PUM2: variants seen among roughly 807,000 people sequenced by gnomAD.
The protein encoded by PUM2 is pumilio homolog 2.
In PUM2, 57 loss-of-function variants were observed where a neutral mutation model predicts 124.5. The observed-to-expected ratio is 0.46, with a 90% CI of 0.37 to 0.57. The LOEUF is 0.57. Ranked by LOEUF, PUM2 falls within the 20% of genes least tolerant of loss-of-function variation. The pLI, the probability that PUM2 is intolerant of heterozygous loss-of-function variation, is 0.00. For missense variants in PUM2, 1,065 were observed against 1,290.6 expected (o/e 0.83, Z 2.68); for synonymous variants, 460 against 446.1 (o/e 1.03, Z -0.39).
At chr2:20,261,782 CA>C (rs1212095901) in intron 14 of PUM2, among the ~76,000 whole-genome samples, 1 of 152,096 alleles carries the variant, frequency 6.6e-6, no homozygotes. Flanking sequence ...ATAGAATAAG[CA>C]TACAAAGGAA....
intron 15 of PUM2, among the ~76,000 whole-genome samples, chr2:20,259,991 T>C (rs1183802336): frequency 2.0e-5 from 3 of 152,248 alleles, no homozygotes; most frequent in Non-Finnish European, 4.4e-5. Flanking sequence ...AGGTATAAAA[T>C]GGTATCTCAT....
At chr2:20,308,801 T>C (rs996933333) in intron 5 of PUM2, among the ~76,000 whole-genome samples, 3 of 152,238 alleles carry the variant, frequency 2.0e-5, no homozygotes, top group African/African-American at 7.2e-5. Flanking sequence ...TATTAATGAT[T>C]ACTCCCTTCA....
chr2:20,309,618 A>C (rs560067025), intron 5 of PUM2, among the ~76,000 whole-genome samples: 3 of 152,164 alleles, frequency 2.0e-5, no homozygotes, highest in African/African-American at 7.2e-5. Flanking sequence ...TTTATATAGG[A>C]TCCTTTCCTT....
At chr2:20,310,192 A>T (rs1679294356) in intron 5 of PUM2, among the ~76,000 whole-genome samples, 1 of 152,084 alleles carries the variant, frequency 6.6e-6, no homozygotes, top group African/African-American at 2.4e-5. Context: ...AACACATTTT[A>T]ATACTGTCAA....
chr2:20,339,443 GAAGC>G (rs1199555884), intron 1 of PUM2, among the ~76,000 whole-genome samples: 3 of 152,040 alleles, frequency 2.0e-5, no homozygotes, highest in Non-Finnish European at 2.9e-5. Context: ...AACCATTTTA[GAAGC>G]AATATAAAAG....
In PUM2 at chr2:20,294,453, G is replaced by C; in HGVS notation, c.1075C>G (p.Gln359Glu). The change falls in exon 9 of 21, where the codon CAG (glutamine) becomes GAG (glutamate). Residue 359 changes from glutamine to glutamate, a missense_variant. Physicochemically the swap from Gln to Glu is conservative, Grantham distance 29. Transcript: ENST00000361078. ...TTTGCCGCAGCTGCAGCTTGCTGCT[G>C]AAATAAGTTGGCTGGATACACCCCC... ...PWGVYPANLFQQQAAAAANNT... is the reference protein window; with the variant it reads ...PWGVYPANLFEQQAAAAANNT... The C allele has an allele frequency of 1.2e-6, 2 of 1,614,162 alleles. No individual in the cohort carries two copies. Among genetic ancestry groups the C allele is most frequent in the Non-Finnish European group, 1.7e-6 (2 of 1,180,034 alleles).
intron 13 of PUM2, among the ~76,000 whole-genome samples, chr2:20,265,201 G>A (rs1407606154): frequency 1.3e-5 from 2 of 149,722 alleles, no homozygotes; most frequent in African/African-American, 4.9e-5. Flanking sequence ...GCAGTGAGCA[G>A]AGATTGCACC....
intron 3 of PUM2, among the ~76,000 whole-genome samples, chr2:20,314,837 T>C (rs749644691): frequency 6.6e-6 from 1 of 152,168 alleles, no homozygotes; most frequent in East Asian, 1.9e-4. Context: ...ACACAGTTTG[T>C]CCTCAAGAGT....
At position 20,324,938 on chromosome 2, in the gene PUM2, T is replaced by TAA. The variant is rs35178527; in HGVS notation, c.51+2370_51+2371dup. Among the ~76,000 whole-genome samples the TAA allele has an allele frequency of 9.7e-4, 138 of 141,936 alleles. 1 individual carries two copies. The highest frequency in any genetic ancestry group is 3.6e-3 in the East Asian group (18 of 4,988). The allele number at this position is 141,936 out of a possible 152,430, so 93.1% of individuals were successfully genotyped here. Reference sequence around the variant, plus strand: ...ATCTATTTTAAAAACCGTTTTGCATTAAAAAAAAAAAAAAGCATTTTTAGA... The same window carrying TAA: ...ATCTATTTTAAAAACCGTTTTGCATTAAAAAAAAAAAAAAAAGCATTTTTAGA... On this transcript the variant is annotated intron_variant, in intron 2 of 20. Coordinates refer to ENST00000361078, the MANE Select transcript of PUM2 (RefSeq NM_015317.5).
intron 1 of PUM2, among the ~76,000 whole-genome samples, chr2:20,330,654 A>G (rs1684720186): frequency 6.6e-6 from 1 of 152,222 alleles, no homozygotes; most frequent in Admixed American, 6.5e-5. Context: ...TCTTTGTAAT[A>G]TCCTTTATAA....
At position 20,263,437 on chromosome 2, in the gene PUM2, G is replaced by A; in HGVS notation, c.1981C>T (p.Arg661Ter). The change falls in exon 14 of 21, where the codon CGA (arginine) becomes TGA (stop). Residue 661 changes from arginine to a stop codon, truncating the protein, a stop_gained. Transcript: ENST00000361078. LOFTEE classifies it high-confidence loss of function. The stretch of plus-strand genomic sequence containing the variant: ...GCTCCAGGTGCTGCAGAGATATATC[G>A]ACCACTACCATTTGTCAGTCCTCCT... ...HLGGLTNGSG[R>*]YISAAPGAEA... 1.9e-6 allele frequency: 3 copies of A among 1,612,156 alleles called. No homozygotes were observed. The highest frequency in any genetic ancestry group is 2.5e-6 in the Non-Finnish European group (3 of 1,178,338).
chr2:20,325,789 T>C lies in PUM2; in HGVS notation c.51+1521A>G, dbSNP rs149156531. Among the ~76,000 whole-genome samples, 520 of 152,222 alleles carry C rather than the reference T, an allele frequency of 3.4e-3. 2 individuals carry two copies. The highest frequency in any genetic ancestry group is 4.5e-3 in the Non-Finnish European group (303 of 68,000). ...GGCGCCTGCCGCCACGCCCGGCTAA[T>C]TTTTTGTATTTTTAGTAGAGACGGG... On this transcript the variant is annotated intron_variant, in intron 2 of 20. Coordinates refer to ENST00000361078, the MANE Select transcript of PUM2 (RefSeq NM_015317.5).
intron 3 of PUM2, among the ~76,000 whole-genome samples, chr2:20,315,931 A>G (rs1381062895): frequency 6.6e-6 from 1 of 152,120 alleles, no homozygotes; most frequent in Non-Finnish European, 1.5e-5. Context: ...TGTGCATTCA[A>G]CTTTCAAATC....
chr2:20,346,020 G>A (rs561052649), intron 1 of PUM2, among the ~76,000 whole-genome samples: 257 of 152,306 alleles, frequency 1.7e-3, no homozygotes, highest in Non-Finnish European at 3.0e-3. Context: ...TAGCAAGAGC[G>A]TAGAGCACTC....
At chr2:20,266,326 C>T (rs1667634581) in intron 13 of PUM2, among the ~76,000 whole-genome samples, 1 of 151,638 alleles carries the variant, frequency 6.6e-6, no homozygotes, top group Admixed American at 6.6e-5. Context: ...GCCTGTAGTC[C>T]CAGCTACTTG....
chr2:20,252,683 G>A (rs1663736677), intron 20 of PUM2, among the ~76,000 whole-genome samples: 1 of 152,122 alleles, frequency 6.6e-6, no homozygotes, highest in South Asian at 2.1e-4. Context: ...GATTCTAGGA[G>A]GAGGATACAG....
intron 13 of PUM2, among the ~76,000 whole-genome samples, chr2:20,274,661 T>G (rs1025608625): frequency 6.6e-6 from 1 of 151,916 alleles, no homozygotes; most frequent in East Asian, 1.9e-4. Flanking sequence ...GCACCCTTTT[T>G]GTTAAGAAAA....
intron 7 of PUM2, among the ~76,000 whole-genome samples, chr2:20,307,529 T>C (rs1412251920): frequency 6.6e-6 from 1 of 152,212 alleles, no homozygotes; most frequent in Non-Finnish European, 1.5e-5. Context: ...GTTATTCCCA[T>C]ATTATTATTG....
chr2:20,254,923 C>G lies in PUM2; in HGVS notation c.2810G>C (p.Ser937Thr). The G allele has an allele frequency of 1.9e-6, 3 of 1,613,966 alleles. No homozygotes were observed. The highest frequency in any genetic ancestry group is 2.5e-6 in the Non-Finnish European group (3 of 1,179,886). The change falls in exon 19 of 21, where the codon AGC (serine) becomes ACC (threonine). Residue 937 changes from serine to threonine, a missense_variant. This residue lies in a region of PUM2 where 968 missense variants were observed against 1,159.8 expected (regional missense o/e 0.83). Coordinates refer to ENST00000361078, the MANE Select transcript of PUM2 (RefSeq NM_015317.5). ...TCCCCTGATTTCGGAAACAATTTTG[C>G]TCTTGTCTTCAGGTCGACCGTGTTC... ...VLEHGRPEDK[S>T]KIVSEIRGKV...
Sources: gnomAD v4.1 joint callset for allele counts (sites outside exome capture counted in the v4.1 genomes callset) on GRCh38, gnomAD v4.1.1 for gene constraint, gnomAD v4.1.1 regional missense constraint, MANE v1.5 for transcripts, NCBI Gene and HGNC (gene_info 2026-07-23, HGNC 2026-07-21) for gene names.